ITGBL1: variants seen among roughly 807,000 people sequenced by gnomAD.
ITGBL1 encodes the protein integrin beta-like protein 1.
Under a neutral mutation model 68.5 loss-of-function variants are expected in ITGBL1, and 51 were observed. The ratio of observed to expected loss-of-function variants is 0.74; its 90% CI spans 0.59 to 0.94. ITGBL1 has a LOEUF of 0.94. Ranked by LOEUF, ITGBL1 falls within the 40% of genes least tolerant of loss-of-function variation. The pLI, the probability that ITGBL1 is intolerant of heterozygous loss-of-function variation, is 0.00. For missense variants in ITGBL1, 649 were observed against 647.4 expected (o/e 1.00, Z -0.03); for synonymous variants, 209 against 227.3 (o/e 0.92, Z 0.72).
intron 2 of ITGBL1, among the ~76,000 whole-genome samples, chr13:101,496,115 C>T (rs774825809): frequency 4.0e-4 from 61 of 152,150 alleles, no homozygotes; most frequent in Non-Finnish European, 7.4e-4. Flanking sequence ...CTATTTCTTA[C>T]AGAATATTTC....
intron 7 of ITGBL1, among the ~76,000 whole-genome samples, chr13:101,659,670 C>A (rs534756743): frequency 6.6e-6 from 1 of 152,266 alleles, no homozygotes; most frequent in South Asian, 2.1e-4. Context: ...ACCGTGTTAG[C>A]CAAGATGGTC....
rs755722681 is a variant in ITGBL1, at chr13:101,575,543, G to A, written c.583G>A (p.Gly195Arg). The change falls in exon 4 of 11, where the codon GGA (glycine) becomes AGA (arginine). Residue 195 changes from glycine to arginine, a missense_variant. Gly to Arg is a moderately radical substitution (Grantham distance 125, BLOSUM62 -2). Coordinates refer to ENST00000376180, the MANE Select transcript of ITGBL1 (RefSeq NM_004791.3). ...AGACGATGAAACAGAAGAAATATGT[G>A]GAGGTATGTATATTGGCTCTGTAGA... ...CIDDETEEIC[G>R]GHGKCYCGNC... 5.6e-5 allele frequency: 91 copies of A among 1,611,740 alleles called. No individual in the cohort carries two copies. Among genetic ancestry groups the A allele is most frequent in the Middle Eastern group, 3.3e-4 (2 of 6,060 alleles).
chr13:101,599,653 A>G (rs367565012), intron 7 of ITGBL1, among the ~76,000 whole-genome samples: 17,040 of 151,834 alleles, frequency 0.11, 1,198 homozygotes, highest in African/African-American at 0.22. Context: ...CTTTCTACAT[A>G]TGGCTAGCCA....
At chr13:101,658,733 G>A (rs1319694069) in intron 7 of ITGBL1, among the ~76,000 whole-genome samples, 1 of 152,050 alleles carries the variant, frequency 6.6e-6, no homozygotes, top group Non-Finnish European at 1.5e-5. Context: ...AATGAAAGAT[G>A]CAAATGAGCA....
Position 101,453,978 on chromosome 13 carries a change from G to A in ITGBL1, c.194G>A (p.Gly65Asp), listed in dbSNP as rs775199348. The A allele has an allele frequency of 1.8e-5, 27 of 1,535,934 alleles. No individual in the cohort carries two copies. The highest frequency in any genetic ancestry group is 2.2e-5 in the Non-Finnish European group (25 of 1,139,598). ...CCCCCGGGGGCCGCGCTGTGCCACGGCCGGGGCCGCTGCGACTGCGGCGTC... is the reference window on the plus strand; with the variant it reads ...CCCCCGGGGGCCGCGCTGTGCCACGACCGGGGCCGCTGCGACTGCGGCGTC... Reference protein sequence around the residue: ...GQPPGAALCHGRGRCDCGVCI... With the variant: ...GQPPGAALCHDRGRCDCGVCI... The change falls in exon 2 of 11, where the codon GGC (glycine) becomes GAC (aspartate). Residue 65 changes from glycine (G) to aspartate (D), a missense_variant. Transcript: ENST00000376180.
At chr13:101,652,257 T>G (rs9518472) in intron 7 of ITGBL1, among the ~76,000 whole-genome samples, 9,782 of 152,168 alleles carry the variant, frequency 0.064, 352 homozygotes, top group East Asian at 0.12. Flanking sequence ...TCCTCCTGCC[T>G]CAGCCTCCAG....
intron 9 of ITGBL1, among the ~76,000 whole-genome samples, chr13:101,708,950 C>G (rs1236174028): frequency 6.6e-6 from 1 of 152,254 alleles, no homozygotes. Flanking sequence ...GTTCTGTTCT[C>G]AGGGGGCTTC....
chr13:101,657,764 A>G (rs1032800126), intron 7 of ITGBL1, among the ~76,000 whole-genome samples: 1 of 152,216 alleles, frequency 6.6e-6, no homozygotes, highest in African/African-American at 2.4e-5. Context: ...AATGCTGCAC[A>G]TGTGGATGAA....
chr13:101,618,025 G>T (rs532169605), intron 7 of ITGBL1, among the ~76,000 whole-genome samples: 1 of 152,102 alleles, frequency 6.6e-6, no homozygotes, highest in East Asian at 1.9e-4. Context: ...GCAATATAAG[G>T]TAACTAGAGA....
rs531889044 is a variant in ITGBL1 at position 101,495,464 on chromosome 13, C to T, written c.316+41364C>T. 2.6e-5 allele frequency among the ~76,000 whole-genome samples: 4 copies of T among 152,276 alleles called. No individual in the cohort carries two copies. The South Asian group carries it at 8.3e-4, about 32-fold the overall frequency. On this transcript the variant is annotated intron_variant, in intron 2 of 10. Coordinates refer to ENST00000376180, the MANE Select transcript of ITGBL1 (RefSeq NM_004791.3). ...CTCATGAAAATGTGCTTGTTCTCAT[C>T]TCATCCCCTCAAGGTTTGGCTTTCT...
At chr13:101,467,175 C>A (rs748338733) in intron 2 of ITGBL1, among the ~76,000 whole-genome samples, 1 of 152,118 alleles carries the variant, frequency 6.6e-6, no homozygotes. Context: ...AATACTGTCA[C>A]GTTGGGGATT....
intron 2 of ITGBL1, among the ~76,000 whole-genome samples, chr13:101,465,383 T>C (rs1177204996): frequency 6.6e-6 from 1 of 152,186 alleles, no homozygotes; most frequent in Non-Finnish European, 1.5e-5. Flanking sequence ...CTTAAAAATA[T>C]AAAACTATGA....
intron 7 of ITGBL1, among the ~76,000 whole-genome samples, chr13:101,685,666 A>G (rs1186146796): frequency 6.6e-6 from 1 of 152,114 alleles, no homozygotes; most frequent in Non-Finnish European, 1.5e-5. Flanking sequence ...TTTCTAGAAT[A>G]GTGTCTTCTC....
intron 2 of ITGBL1, among the ~76,000 whole-genome samples, chr13:101,537,956 A>C (rs2139176685): frequency 6.6e-6 from 1 of 152,198 alleles, no homozygotes; most frequent in East Asian, 1.9e-4. Flanking sequence ...TAGATTAAAA[A>C]CTATGTTTGG....
rs1402656995 is a variant in ITGBL1 at position 101,548,610 on chromosome 13, AACATTGTTTTAT to A, written c.317-19084_317-19073del. Among the ~76,000 whole-genome samples the A allele has an allele frequency of 2.0e-5, 3 of 151,830 alleles. No individual in the cohort carries two copies. The East Asian group carries it at 5.8e-4, about 29-fold the overall frequency. On this transcript the variant is annotated intron_variant, in intron 2 of 10. Transcript: ENST00000376180. Reference sequence around the variant, plus strand: ...TATATCCATGTCTGTTATCATTTTAAACATTGTTTTATACATAGAAGGGAAAATAACAAAATA... The same window carrying A: ...TATATCCATGTCTGTTATCATTTTAAACATAGAAGGGAAAATAACAAAATA...
At chr13:101,690,764 T>A (rs1483515190) in intron 7 of ITGBL1, among the ~76,000 whole-genome samples, 1 of 152,192 alleles carries the variant, frequency 6.6e-6, no homozygotes, top group Non-Finnish European at 1.5e-5. Context: ...CCTCATCTAT[T>A]AAATAAATTG....
At chr13:101,495,104 C>T (rs1435588023) in intron 2 of ITGBL1, among the ~76,000 whole-genome samples, 1 of 152,198 alleles carries the variant, frequency 6.6e-6, no homozygotes, top group African/African-American at 2.4e-5. Flanking sequence ...AACTGATCAG[C>T]AAGAGCATGG....
At chr13:101,650,568 A>G (rs956065080) in intron 7 of ITGBL1, among the ~76,000 whole-genome samples, 11 of 152,052 alleles carry the variant, frequency 7.2e-5, no homozygotes, top group Admixed American at 7.2e-4. Context: ...AAATACAAAA[A>G]TTGGATCAAG....
chr13:101,712,895 G>A (rs949424308), intron 9 of ITGBL1: 1 of 152,146 alleles, frequency 6.6e-6, no homozygotes, highest in Non-Finnish European at 1.5e-5. Context: ...GACTGACCTG[G>A]GAGCAGCAGC....
Sources: gnomAD v4.1 joint callset for allele counts (sites outside exome capture counted in the v4.1 genomes callset) on GRCh38, gnomAD v4.1.1 for gene constraint, MANE v1.5 for transcripts, NCBI Gene and HGNC (gene_info 2026-07-23, HGNC 2026-07-21) for gene names.